ATR: variants seen among roughly 807,000 people sequenced by gnomAD.
The protein encoded by ATR is serine/threonine-protein kinase ATR.
A neutral mutation model predicts 305.3 loss-of-function variants in ATR; 142 were observed. The ratio of observed to expected loss-of-function variants is 0.47; its 90% CI spans 0.41 to 0.53. The LOEUF (loss-of-function observed/expected upper bound fraction) is 0.53, where lower values mean the gene tolerates loss of function less well. ATR is among the 20% of genes least tolerant of loss of function. The probability of loss-of-function intolerance (pLI) is 0.00; values close to 1 mark genes in which losing one functional copy is unlikely to be tolerated. For synonymous variants in ATR, 1,050 were observed against 1,068.1 expected (o/e 0.98, Z 0.33); for missense variants, 2,135 against 3,133.1 (o/e 0.68, Z 7.60).
chr3:142,514,712 C>A (rs1353322227), intron 25 of ATR, among the ~76,000 whole-genome samples: 2 of 143,876 alleles, frequency 1.4e-5, no homozygotes, highest in Non-Finnish European at 3.0e-5. Context: ...GAGGCTGAGG[C>A]GGGAGAATCA....
chr3:142,492,433 C>T (rs2031342531), intron 35 of ATR, among the ~76,000 whole-genome samples: 1 of 152,204 alleles, frequency 6.6e-6, no homozygotes, highest in Non-Finnish European at 1.5e-5. Context: ...ATTCAGCGAA[C>T]ACAATTCCTA....
At chr3:142,568,380 C>A (rs1419829089) in intron 1 of ATR, among the ~76,000 whole-genome samples, 1 of 152,190 alleles carries the variant, frequency 6.6e-6, no homozygotes, top group African/African-American at 2.4e-5. Flanking sequence ...AAAGCCTAGA[C>A]CTGAACTTCT....
At chr3:142,522,336 T>C (rs1380294594) in intron 23 of ATR, among the ~76,000 whole-genome samples, 1 of 152,234 alleles carries the variant, frequency 6.6e-6, no homozygotes, top group Non-Finnish European at 1.5e-5. Context: ...ATAGAGATAC[T>C]TGCTTTATTG....
intron 1 of ATR, among the ~76,000 whole-genome samples, chr3:142,573,055 T>G (rs2035326303): frequency 6.6e-6 from 1 of 152,230 alleles, no homozygotes; most frequent in South Asian, 2.1e-4. Context: ...AAATGCATTT[T>G]ATTTCTTTTT....
At chr3:142,464,254 T>C (rs928173392) in intron 41 of ATR, among the ~76,000 whole-genome samples, 22 of 152,140 alleles carry the variant, frequency 1.4e-4, no homozygotes, top group Non-Finnish European at 3.1e-4. Flanking sequence ...GCCTCCTTAG[T>C]AGCTGGGACT....
intron 38 of ATR, among the ~76,000 whole-genome samples, chr3:142,468,279 C>T (rs2071177797): frequency 6.6e-6 from 1 of 151,816 alleles, no homozygotes; most frequent in African/African-American, 2.4e-5. Context: ...TAGGGATCTG[C>T]CCTGGAGAAA....
At chr3:142,554,751 C>G (rs896800054) in intron 10 of ATR, among the ~76,000 whole-genome samples, 2 of 151,706 alleles carry the variant, frequency 1.3e-5, no homozygotes, top group African/African-American at 4.8e-5. Flanking sequence ...AGTGAGATCC[C>G]TCTCTACAAA....
At position 142,556,012 on chromosome 3, in the gene ATR, C is replaced by T. The variant is rs769252606; in HGVS notation, c.2206G>A (p.Gly736Arg). ...SSLTEPFSEH[G>R]HVDLFCRNLK... ...TTCCTACAGAAGAGGTCCACATGTC[C>T]GTGTTCAGAGAAAGGTTCTGTTAAA... Residue 736 changes from glycine (G) to arginine (R), a missense_variant, in exon 10 of 47, where the codon GGA (glycine) becomes AGA (arginine). Transcript: ENST00000350721. 122 of 1,613,756 alleles carry T rather than the reference C, an allele frequency of 7.6e-5. No individual in the cohort carries two copies. Among genetic ancestry groups the T allele is most frequent in the South Asian group, 5.2e-4 (47 of 91,074 alleles).
At chr3:142,455,457 T>C (rs1473995162) in intron 45 of ATR, among the ~76,000 whole-genome samples, 1 of 152,066 alleles carries the variant, frequency 6.6e-6, no homozygotes, top group East Asian at 1.9e-4. Context: ...AGCTAAATGA[T>C]CTTGGGGGAA....
rs2034792665 is a variant in ATR at position 142,559,231 on chromosome 3, T to C, written c.1732+20A>G. On this transcript the variant is annotated intron_variant, in intron 7 of 46. Coordinates refer to ENST00000350721, the MANE Select transcript of ATR (RefSeq NM_001184.4). ...ATTATCTTTAAAGGTTATTCTGATC[T>C]GTTGCTAATTTGTACTCACCTTGCA... 6.2e-7 allele frequency: 1 copy of C among 1,603,124 alleles called. No homozygotes were observed. The highest frequency in any genetic ancestry group is 1.3e-5 in the African/African-American group (1 of 74,656).
chr3:142,484,565 A>G (rs189287312), intron 36 of ATR, among the ~76,000 whole-genome samples: 5 of 152,262 alleles, frequency 3.3e-5, no homozygotes, highest in Admixed American at 2.0e-4. Context: ...ATCTTTCTTA[A>G]TAAACTAGTA....
intron 1 of ATR, among the ~76,000 whole-genome samples, chr3:142,568,852 G>A (rs1356997825): frequency 6.6e-6 from 1 of 152,258 alleles, no homozygotes; most frequent in Non-Finnish European, 1.5e-5. Context: ...TGACACACCA[G>A]CCCCCTGCTG....
chr3:142,567,142 A>G lies in ATR; in HGVS notation c.152-881T>C, dbSNP rs2035102416. The stretch of plus-strand genomic sequence containing the variant: ...ACATGTACTTCAGGAATAATATGCC[A>G]GGCAATGCTAAAATCTAAGGATTAA... On this transcript the variant is annotated intron_variant, in intron 2 of 46. Transcript: ENST00000350721. Among the ~76,000 whole-genome samples the G allele has an allele frequency of 2.0e-5, 3 of 152,356 alleles. No individual in the cohort carries two copies. The East Asian group carries it at 5.8e-4, about 29-fold the overall frequency.
In ATR at chr3:142,560,436, C is replaced by T. The variant is rs1378223602; in HGVS notation, c.1368G>A (p.Met456Ile). Reference sequence around the variant, plus strand: ...CACTCCATAATATGCTCTTTTGGTTCATGTCCACATGTTTAATTCTATAAT... The same window carrying T: ...CACTCCATAATATGCTCTTTTGGTTTATGTCCACATGTTTAATTCTATAAT... ...KQTEEIKHVD[M>I]NQKSILWSAL... The change falls in exon 6 of 47, where the codon ATG (methionine) becomes ATA (isoleucine). Residue 456 changes from methionine to isoleucine, a missense_variant. Physicochemically the swap from Met to Ile is conservative, Grantham distance 10. This residue lies in a region of ATR where 744 missense variants were observed against 873.2 expected (regional missense o/e 0.85). Transcript: ENST00000350721. The T allele has an allele frequency of 3.7e-6, 6 of 1,610,234 alleles. No individual in the cohort carries two copies. Among genetic ancestry groups the T allele is most frequent in the African/African-American group, 1.3e-5 (1 of 74,806 alleles).
At chr3:142,576,903 C>CTT (rs36043310) in intron 1 of ATR, among the ~76,000 whole-genome samples, 1 of 150,448 alleles carries the variant, frequency 6.6e-6, no homozygotes, top group Non-Finnish European at 1.5e-5. Flanking sequence ...ACACTAATAT[C>CTT]TTTTTTTTTC....
At chr3:142,554,115 A>C in intron 10 of ATR, 100 bp from the exon 11 acceptor site, 1 of 1,031,738 alleles carries the variant, frequency 9.7e-7, no homozygotes, top group Non-Finnish European at 1.4e-6. Context: ...AAGAATCCTA[A>C]GTTCTCTTAT....
At chr3:142,518,320 C>T (rs996859715) in intron 24 of ATR, among the ~76,000 whole-genome samples, 1 of 152,166 alleles carries the variant, frequency 6.6e-6, no homozygotes, top group Non-Finnish European at 1.5e-5. Flanking sequence ...GCCAGGAGAC[C>T]AGCCTGGCCA....
chr3:142,503,109 T>C (rs2032062229), intron 30 of ATR, among the ~76,000 whole-genome samples: 1 of 152,148 alleles, frequency 6.6e-6, no homozygotes, highest in South Asian at 2.1e-4. Flanking sequence ...GCCTCACCAA[T>C]AGCCAGTGGG....
chr3:142,575,996 G>GA (rs999271604), intron 1 of ATR, among the ~76,000 whole-genome samples: 1 of 152,124 alleles, frequency 6.6e-6, no homozygotes, highest in African/African-American at 2.4e-5. Context: ...ACTAATAGAT[G>GA]AAAAATCACT....
Sources: gnomAD v4.1 joint callset for allele counts (sites outside exome capture counted in the v4.1 genomes callset) on GRCh38, gnomAD v4.1.1 for gene constraint, gnomAD v4.1.1 regional missense constraint, MANE v1.5 for transcripts, NCBI Gene and HGNC (gene_info 2026-07-23, HGNC 2026-07-21) for gene names.